TSHR: variants seen among roughly 807,000 people sequenced by gnomAD.
TSHR encodes the protein thyroid stimulating hormone receptor.
In TSHR, 51 loss-of-function variants were observed where a neutral mutation model predicts 64.1. That is an observed-to-expected ratio of 0.80 (90% CI 0.64 to 1.01). The LOEUF (loss-of-function observed/expected upper bound fraction) is 1.01, where lower values mean the gene tolerates loss of function less well. Ranked by LOEUF, TSHR falls within the 50% of genes least tolerant of loss-of-function variation. The pLI is 0.00. For synonymous variants in TSHR, 361 were observed against 361.9 expected, an observed-to-expected ratio of 1.00 and a Z score of 0.03; for missense variants, 877 against 942.8, an observed-to-expected ratio of 0.93 and a Z score of 0.91.
At chr14:81,073,046 AT>A (rs1887235035) in intron 3 of TSHR, among the ~76,000 whole-genome samples, 1 of 138,014 alleles carries the variant, frequency 7.2e-6, no homozygotes, top group Non-Finnish European at 1.5e-5. Flanking sequence ...ATATATATAT[AT>A]ATAAAATGCA....
rs1361491409 is a variant in TSHR, at chr14:81,144,016, T to C, written c.1958T>C (p.Leu653Pro). 1 of 1,614,210 alleles carries C rather than the reference T, an allele frequency of 6.2e-7. No homozygotes were observed. Among genetic ancestry groups the C allele is most frequent in the Non-Finnish European group, 8.5e-7 (1 of 1,180,026 alleles). ...YALSAILNKP[L>P]ITVSNSKILL... ...CTGTCAGCAATTCTGAACAAGCCTC[T>C]CATCACTGTTAGCAACTCCAAAATC... Residue 653 changes from leucine to proline, a missense_variant, in exon 10 of 10, where the codon CTC becomes CCC. Leu to Pro is a moderately conservative substitution (Grantham distance 98). Coordinates refer to ENST00000298171, the MANE Select transcript of TSHR (RefSeq NM_000369.5).
intron 6 of TSHR, chr14:81,093,471 T>G (rs946826360): frequency 6.6e-6 from 1 of 152,278 alleles, no homozygotes; most frequent in African/African-American, 2.4e-5. Context: ...CTGCCCAAGT[T>G]CAAGCCTGGT....
intron 8 of TSHR, among the ~76,000 whole-genome samples, chr14:81,114,166 G>C (rs191392898): frequency 4.4e-4 from 67 of 151,976 alleles, no homozygotes; most frequent in East Asian, 1.7e-3. Context: ...GTATCACTGG[G>C]GGGGAGGAGC....
intron 1 of TSHR, among the ~76,000 whole-genome samples, chr14:80,965,291 A>T (rs1887245138): frequency 6.6e-6 from 1 of 152,114 alleles, no homozygotes; most frequent in Admixed American, 6.6e-5. Context: ...CATTTATGAG[A>T]ACAGTTTGCT....
chr14:81,067,884 G>A (rs1886749909), intron 2 of TSHR, among the ~76,000 whole-genome samples: 1 of 142,046 alleles, frequency 7.0e-6, no homozygotes, highest in Non-Finnish European at 1.5e-5. Context: ...AGAAGATGAA[G>A]AGAAAACCTC....
intron 1 of TSHR, among the ~76,000 whole-genome samples, chr14:81,022,539 G>C (rs572330708): frequency 1.5e-4 from 23 of 151,844 alleles, no homozygotes; most frequent in African/African-American, 5.3e-4. Context: ...TGGGGTGTTT[G>C]GGGCCGGGCA....
At chr14:81,074,429 T>A (rs17111406) in intron 3 of TSHR, among the ~76,000 whole-genome samples, 12,564 of 152,214 alleles carry the variant, frequency 0.083, 1,638 homozygotes, top group African/African-American at 0.27. Context: ...GCATGAGAAA[T>A]ATAGAGCTGA....
intron 8 of TSHR, among the ~76,000 whole-genome samples, chr14:81,113,422 G>C (rs1010211810): frequency 4.6e-5 from 7 of 152,106 alleles, no homozygotes; most frequent in Non-Finnish European, 1.0e-4. Context: ...ATATATGTGG[G>C]TTCAAAAGTC....
chr14:81,116,905 A>G (rs1249976159), intron 8 of TSHR, among the ~76,000 whole-genome samples: 96 of 146,306 alleles, frequency 6.6e-4, no homozygotes, highest in Non-Finnish European at 1.2e-3. Context: ...ACTACATGGA[A>G]ACTGAACAAC....
At chr14:81,015,742 C>A (rs1477129802) in intron 1 of TSHR, among the ~76,000 whole-genome samples, 1 of 151,940 alleles carries the variant, frequency 6.6e-6, no homozygotes, top group African/African-American at 2.4e-5. Context: ...CCTGTCTAAC[C>A]GAAATTTTGT....
chr14:81,113,893 A>G (rs945588705), intron 8 of TSHR, among the ~76,000 whole-genome samples: 5 of 152,202 alleles, frequency 3.3e-5, no homozygotes, highest in Non-Finnish European at 5.9e-5. Flanking sequence ...CATCCCAGAA[A>G]AAAGACTAGA....
At chr14:81,126,060 T>G (rs1891009306) in intron 8 of TSHR, among the ~76,000 whole-genome samples, 1 of 152,114 alleles carries the variant, frequency 6.6e-6, no homozygotes, top group African/African-American at 2.4e-5. Flanking sequence ...CTCAGGATAC[T>G]TGGTTTCCCC....
chr14:81,063,844 T>G (rs1319249516), intron 2 of TSHR, among the ~76,000 whole-genome samples: 1 of 151,766 alleles, frequency 6.6e-6, no homozygotes, highest in African/African-American at 2.4e-5. Context: ...GGAGAGGAGT[T>G]GGGGAAGACT....
Position 81,142,952 on chromosome 14 carries a change from C to T in TSHR, c.894C>T (p.Ser298=). The change falls in exon 10 of 10, where the codon TCC becomes TCT. Residue 298 remains serine, a synonymous_variant. Transcript: ENST00000298171. ...NQKKIRGILE[S]LMCNESSMQS... is the part of the protein sequence containing the mutation. ...TGTTGCCTTGCAGAATCCTTGAGTC[C>T]TTGATGTGTAATGAGAGCAGTATGC... is the stretch of plus-strand genomic sequence containing the variant. 6.2e-7 allele frequency: 1 copy of T among 1,614,032 alleles called. No individual in the cohort carries two copies. Among genetic ancestry groups the T allele is most frequent in the South Asian group, 1.1e-5 (1 of 91,084 alleles).
At chr14:81,042,533 A>G (rs80185486) in intron 1 of TSHR, among the ~76,000 whole-genome samples, 1,527 of 152,284 alleles carry the variant, frequency 0.01, 18 homozygotes, top group Middle Eastern at 0.031. Flanking sequence ...AATAAGACAG[A>G]AAGAGAAAAA....
chr14:80,976,589 G>C (rs1887887708), intron 1 of TSHR, among the ~76,000 whole-genome samples: 1 of 152,330 alleles, frequency 6.6e-6, no homozygotes, highest in East Asian at 1.9e-4. Flanking sequence ...AATTGAGCAA[G>C]TATGTCCAAC....
chr14:81,141,057 C>T (rs1045409642), intron 9 of TSHR, among the ~76,000 whole-genome samples: 3 of 152,206 alleles, frequency 2.0e-5, no homozygotes, highest in Admixed American at 6.5e-5. Flanking sequence ...ACCCGGTAGG[C>T]GGAGGTTGCA....
chr14:81,142,273 G>A (rs1891722886), intron 9 of TSHR, among the ~76,000 whole-genome samples: 1 of 152,154 alleles, frequency 6.6e-6, no homozygotes, highest in South Asian at 2.1e-4. Flanking sequence ...TAGAGATGGG[G>A]TTTCACCATG....
intron 1 of TSHR, among the ~76,000 whole-genome samples, chr14:81,037,529 T>C (rs1036772756): frequency 2.6e-5 from 4 of 152,018 alleles, no homozygotes; most frequent in African/African-American, 9.7e-5. Flanking sequence ...AATTAAATTT[T>C]CCAATTAAAA....
Sources: allele counts gnomAD v4.1 joint callset (sites outside exome capture counted in the v4.1 genomes callset), GRCh38; gene constraint gnomAD v4.1.1; transcripts MANE v1.5; gene names NCBI Gene and HGNC (gene_info 2026-07-23, HGNC 2026-07-21).